The following CACNA1D variants were observed in gnomAD, a reference collection of about 807,000 sequenced individuals.
CACNA1D encodes calcium voltage-gated channel subunit alpha1 D.
A neutral mutation model predicts 257.1 loss-of-function variants in CACNA1D; 55 were observed. The observed-to-expected ratio is 0.21, with a 90% CI of 0.17 to 0.27. The LOEUF (loss-of-function observed/expected upper bound fraction) is 0.27. Among genes scored for constraint, CACNA1D ranks in the 10% least tolerant of loss-of-function variants. The pLI is 1.00. For missense variants in CACNA1D, 1,876 were observed against 2,784.0 expected, an observed-to-expected ratio of 0.67 and a Z score of 7.34; for synonymous variants, 980 against 1,014.9, an observed-to-expected ratio of 0.97 and a Z score of 0.65.
At chr3:53,558,700 A>C (rs1470892906) in intron 3 of CACNA1D, among the ~76,000 whole-genome samples, 1 of 151,586 alleles carries the variant, frequency 6.6e-6, no homozygotes, top group Non-Finnish European at 1.5e-5. Context: ...CTTCTTTCTG[A>C]CCTCCATGGT....
intron 3 of CACNA1D, among the ~76,000 whole-genome samples, chr3:53,601,276 G>A (rs1197470885): frequency 5.3e-5 from 8 of 152,154 alleles, no homozygotes; most frequent in Non-Finnish European, 8.8e-5. Flanking sequence ...CCTGTCATAT[G>A]TACTAAGGTT....
chr3:53,686,569 G>A (rs1189186160), intron 8 of CACNA1D, among the ~76,000 whole-genome samples: 1 of 151,886 alleles, frequency 6.6e-6, no homozygotes, highest in African/African-American at 2.4e-5. Flanking sequence ...TAGAATGAAA[G>A]AGGAAATCAT....
chr3:53,759,791 ACTT>A (rs2095289988), intron 29 of CACNA1D, among the ~76,000 whole-genome samples: 1 of 152,184 alleles, frequency 6.6e-6, no homozygotes, highest in Non-Finnish European at 1.5e-5. Context: ...TTGTTAGGAG[ACTT>A]CTTGGACGAA....
chr3:53,730,016 T>A (rs1186932361), intron 15 of CACNA1D, among the ~76,000 whole-genome samples: 1 of 152,120 alleles, frequency 6.6e-6, no homozygotes, highest in Non-Finnish European at 1.5e-5. Flanking sequence ...AGCACTCCCC[T>A]GAATATATAT....
intron 3 of CACNA1D, among the ~76,000 whole-genome samples, chr3:53,511,459 G>C (rs529353217): frequency 6.6e-6 from 1 of 152,302 alleles, no homozygotes; most frequent in East Asian, 1.9e-4. Context: ...CATCCAAGGA[G>C]GAATCTCCAG....
intron 30 of CACNA1D, among the ~76,000 whole-genome samples, chr3:53,762,837 T>C (rs1042995818): frequency 1.3e-5 from 2 of 152,248 alleles, no homozygotes; most frequent in African/African-American, 4.8e-5. Flanking sequence ...GGGAAGTCTA[T>C]GTAGAATTGC....
At chr3:53,656,916 C>G (rs1428646523) in intron 4 of CACNA1D, among the ~76,000 whole-genome samples, 1 of 152,054 alleles carries the variant, frequency 6.6e-6, no homozygotes, top group Non-Finnish European at 1.5e-5. Flanking sequence ...CAAGTCTTAA[C>G]CAAAATATGG....
chr3:53,543,040 G>A (rs1025236904), intron 3 of CACNA1D, among the ~76,000 whole-genome samples: 27 of 144,904 alleles, frequency 1.9e-4, no homozygotes, highest in Admixed American at 1.4e-3. Flanking sequence ...CAACAAGAGC[G>A]AAACTCCGAC....
intron 3 of CACNA1D, among the ~76,000 whole-genome samples, chr3:53,524,795 A>C (rs1210678012): frequency 6.6e-6 from 1 of 152,204 alleles, no homozygotes; most frequent in South Asian, 2.1e-4. Context: ...CTTTTCAGCC[A>C]AGGAAAGAAA....
intron 3 of CACNA1D, among the ~76,000 whole-genome samples, chr3:53,629,701 C>A (rs2093801099): frequency 6.6e-6 from 1 of 152,184 alleles, no homozygotes; most frequent in Non-Finnish European, 1.5e-5. Context: ...GCTGCTGCCA[C>A]ACACCATTTC....
At chr3:53,703,542 G>A (rs990006428) in intron 9 of CACNA1D, among the ~76,000 whole-genome samples, 3 of 152,198 alleles carry the variant, frequency 2.0e-5, no homozygotes, top group African/African-American at 7.2e-5. Context: ...GGGGCCCTTT[G>A]TGCCTCGGGT....
intron 20 of CACNA1D, among the ~76,000 whole-genome samples, chr3:53,735,724 T>C (rs2095050805): frequency 6.6e-6 from 1 of 152,232 alleles, no homozygotes; most frequent in Non-Finnish European, 1.5e-5. Flanking sequence ...TCATCTTAAA[T>C]ACTCTGCAGG....
intron 3 of CACNA1D, among the ~76,000 whole-genome samples, chr3:53,568,701 C>T (rs753828245): frequency 6.6e-6 from 1 of 152,240 alleles, no homozygotes; most frequent in Non-Finnish European, 1.5e-5. Flanking sequence ...TCAATACACA[C>T]AAACATACTC....
chr3:53,751,994 C>T lies in CACNA1D; in HGVS notation c.3675+87C>T. On this transcript the variant is annotated intron_variant, in intron 28 of 47. Transcript: ENST00000350061. The surrounding 1 kb of genome is among the most constrained non-coding windows in gnomAD (Gnocchi z 4.3). The stretch of plus-strand genomic sequence containing the variant: ...ATGCTGAGGGTGGAATGCTGCCCCT[C>T]ACAGGAGGGGTTTGATTTTTCTGAT... The T allele has an allele frequency of 7.5e-7, 1 of 1,333,392 alleles. No homozygotes were observed. Among genetic ancestry groups the T allele is most frequent in the Non-Finnish European group, 1.1e-6 (1 of 925,262 alleles). The allele number at this position is 1,333,392 out of a possible 1,614,324, so 82.6% of individuals were successfully genotyped here. A position where few individuals can be genotyped will look rare whatever the true frequency, so the allele number is the denominator to read the frequency against.
Position 53,770,410 on chromosome 3 carries a change from T to C in CACNA1D, c.3916-14T>C, listed in dbSNP as rs766511083. ...CTTTCCATTGGGTTTGACCTCTCCA[T>C]GATAACCCTTCAGAACTCTGAAGAG... On this transcript the variant is annotated splice_polypyrimidine_tract_variant and intron_variant, in intron 31 of 47. Transcript: ENST00000350061. 2 of 1,613,572 alleles carry C rather than the reference T, an allele frequency of 1.2e-6. No homozygotes were observed. The highest frequency in any genetic ancestry group is 2.2e-5 in the East Asian group (1 of 44,880).
In CACNA1D at chr3:53,572,120, C is replaced by G. The variant is rs144976303; in HGVS notation, c.483+70400C>G. Among the ~76,000 whole-genome samples the G allele has an allele frequency of 4.1e-3, 626 of 152,236 alleles. 6 individuals carry two copies. Among genetic ancestry groups the G allele is most frequent in the African/African-American group, 0.014 (602 of 41,528 alleles). On this transcript the variant is annotated intron_variant, in intron 3 of 47. Transcript: ENST00000350061. ...TGGACTGCCAGATTTACATCTCTTC[C>G]CCTGACCTGTTGCTATTCTAGACTT... is the stretch of plus-strand genomic sequence containing the variant.
intron 4 of CACNA1D, among the ~76,000 whole-genome samples, chr3:53,654,402 A>T (rs901448430): frequency 2.6e-5 from 4 of 152,214 alleles, no homozygotes; most frequent in African/African-American, 9.6e-5. Context: ...AGTACATGAC[A>T]ATGGTAGCAT....
At chr3:53,554,273 G>T (rs569817371) in intron 3 of CACNA1D, among the ~76,000 whole-genome samples, 1 of 151,840 alleles carries the variant, frequency 6.6e-6, no homozygotes, top group African/African-American at 2.4e-5. Context: ...TAAACTGTAA[G>T]TGTGCCTATA....
intron 5 of CACNA1D, among the ~76,000 whole-genome samples, chr3:53,662,064 G>A (rs996153854): frequency 4.6e-5 from 7 of 152,158 alleles, no homozygotes; most frequent in African/African-American, 1.7e-4. Context: ...GGCAGCCGTG[G>A]CCTGCTGATT....
Sources: gnomAD v4.1 joint callset for allele counts (sites outside exome capture counted in the v4.1 genomes callset) on GRCh38, gnomAD v4.1.1 for gene constraint, Gnocchi (gnomAD v3.1) non-coding constraint, MANE v1.5 for transcripts, NCBI Gene and HGNC (gene_info 2026-07-23, HGNC 2026-07-21) for gene names.